Variants in C4orf17 observed in about 807,000 individuals in gnomAD.
C4orf17 encodes chromosome 4 open reading frame 17, also known as uncharacterized protein C4orf17.
A neutral mutation model predicts 32.0 loss-of-function variants in C4orf17; 25 were observed. The observed-to-expected ratio is 0.78, with a 90% CI of 0.57 to 1.09. C4orf17 has a LOEUF of 1.09. Among genes scored for constraint, C4orf17 ranks in the 50% least tolerant of loss-of-function variants. The pLI, the probability that C4orf17 is intolerant of heterozygous loss-of-function variation, is 0.00. For missense variants in C4orf17, 420 were observed against 420.0 expected (o/e 1.00, Z 0.00); for synonymous variants, 149 against 145.8 (o/e 1.02, Z -0.16).
intron 7 of C4orf17, among the ~76,000 whole-genome samples, 153 bp from the exon 8 acceptor site, chr4:99,540,259 T>C (rs768178732): frequency 1.3e-5 from 2 of 152,112 alleles, no homozygotes; most frequent in Non-Finnish European, 2.9e-5. Context: ...CATTGGGAAG[T>C]AAATTTAATA....
chr4:99,520,706 T>C (rs1578188511), intron 2 of C4orf17, among the ~76,000 whole-genome samples: 1 of 152,230 alleles, frequency 6.6e-6, no homozygotes, highest in Non-Finnish European at 1.5e-5. Flanking sequence ...TCTAGCAAAT[T>C]TTAAAACTCA....
At chr4:99,539,874 CT>C (rs1723627805) in intron 7 of C4orf17, among the ~76,000 whole-genome samples, 1 of 151,982 alleles carries the variant, frequency 6.6e-6, no homozygotes, top group South Asian at 2.1e-4. Flanking sequence ...AAAATAACTA[CT>C]AAAATAATTG....
intron 4 of C4orf17, among the ~76,000 whole-genome samples, chr4:99,529,194 T>A (rs982081328): frequency 6.6e-6 from 1 of 152,214 alleles, no homozygotes; most frequent in Non-Finnish European, 1.5e-5. Flanking sequence ...AGAAAGCCTT[T>A]CCTGGAACAG....
chr4:99,542,164 C>T lies in C4orf17; in HGVS notation c.*55C>T. Reference sequence around the variant, plus strand: ...AATATGAGCTTCACATTTACATCATCAAATTATTTTTCAAATGAATATTTT... The same window carrying T: ...AATATGAGCTTCACATTTACATCATTAAATTATTTTTCAAATGAATATTTT... On this transcript the variant is annotated 3_prime_UTR_variant, in exon 9 of 9. Coordinates refer to ENST00000326581, the MANE Select transcript of C4orf17 (RefSeq NM_032149.3). 1 of 1,464,966 alleles carries T rather than the reference C, an allele frequency of 6.8e-7. No individual in the cohort carries two copies. The highest frequency in any genetic ancestry group is 9.5e-7 in the Non-Finnish European group (1 of 1,050,470). 90.7% of individuals were successfully genotyped at this position (1,464,966 alleles called of 1,614,324 possible). A position where few individuals can be genotyped will look rare whatever the true frequency, so the allele number is the denominator to read the frequency against.
At chr4:99,533,145 G>T (rs1723504465) in intron 5 of C4orf17, among the ~76,000 whole-genome samples, 1 of 152,152 alleles carries the variant, frequency 6.6e-6, no homozygotes, top group Admixed American at 6.5e-5. Context: ...CAAGGGGTGT[G>T]GGAAGCCAGC....
intron 7 of C4orf17, 54 bp downstream of exon 7, chr4:99,539,424 T>C: frequency 6.6e-6 from 9 of 1,355,526 alleles, no homozygotes; most frequent in South Asian, 2.4e-5. Flanking sequence ...ATGAAGACTT[T>C]GAATTCTCTT....
Position 99,513,041 on chromosome 4 carries a change from T to C in C4orf17, c.-41T>C, listed in dbSNP as rs746895422. 5 of 1,611,316 alleles carry C rather than the reference T, an allele frequency of 3.1e-6. No homozygotes were observed. The highest frequency in any genetic ancestry group is 1.1e-5 in the South Asian group (1 of 90,948). ...AATCAAGTTAGACCCCAAAAACTTT[T>C]GTGACAACAGTGAAGAGGGGAAAAT... On this transcript the variant is annotated 5_prime_UTR_variant, in exon 2 of 9. Coordinates refer to ENST00000326581, the MANE Select transcript of C4orf17 (RefSeq NM_032149.3).
At chr4:99,522,250 C>T (rs72906775) in intron 2 of C4orf17, among the ~76,000 whole-genome samples, 17,307 of 152,066 alleles carry the variant, frequency 0.11, 2,426 homozygotes, top group African/African-American at 0.33. Flanking sequence ...GTGGTCTGGC[C>T]CTGAAGACTG....
At chr4:99,523,474 G>A (rs1395225505) in intron 3 of C4orf17, among the ~76,000 whole-genome samples, 3 of 152,146 alleles carry the variant, frequency 2.0e-5, no homozygotes, top group Non-Finnish European at 2.9e-5. Context: ...CTGTTCTAAA[G>A]TCTTCATACT....
At chr4:99,517,087 C>T (rs573488549) in intron 2 of C4orf17, among the ~76,000 whole-genome samples, 21 of 152,318 alleles carry the variant, frequency 1.4e-4, no homozygotes, top group African/African-American at 5.1e-4. Context: ...CCAGACTCAA[C>T]CTAGAGCTGG....
At chr4:99,527,290 T>C (rs1217308549) in intron 4 of C4orf17, among the ~76,000 whole-genome samples, 1 of 152,222 alleles carries the variant, frequency 6.6e-6, no homozygotes, top group East Asian at 1.9e-4. Flanking sequence ...GTTTTAAATG[T>C]ATTGAGACTT....
At chr4:99,515,769 A>T (rs549507593) in intron 2 of C4orf17, among the ~76,000 whole-genome samples, 61 of 152,056 alleles carry the variant, frequency 4.0e-4, no homozygotes, top group Admixed American at 1.6e-3. Context: ...CATTGAAATA[A>T]AAATAAAAAT....
rs2110162999 is a variant in C4orf17, at chr4:99,511,065, A to C, written c.-301A>C. ...GGAGCCACACAGGCTCCTTGGAGTA[A>C]GAGTGTGAGAAACTGGATGAAGACA... On this transcript the variant is annotated 5_prime_UTR_variant, in exon 1 of 9. Transcript: ENST00000326581. 6.6e-6 allele frequency: 1 copy of C among 152,298 alleles called. No homozygotes were observed. The highest frequency in any genetic ancestry group is 1.5e-5 in the Non-Finnish European group (1 of 68,020). The allele number at this position is 152,298 out of a possible 1,614,324, so 9.4% of individuals were successfully genotyped here. A position where few individuals can be genotyped will look rare whatever the true frequency, so the allele number is the denominator to read the frequency against.
In C4orf17 at chr4:99,541,789, G is replaced by T. The variant is rs527970569; in HGVS notation, c.881-121G>T. 43 of 699,210 alleles carry T rather than the reference G, an allele frequency of 6.1e-5. No homozygotes were observed. In the Admixed American group the frequency reaches 1.2e-3, roughly 19 times the overall value. 43.3% of individuals were successfully genotyped at this position (699,210 alleles called of 1,614,324 possible). A position where few individuals can be genotyped will look rare whatever the true frequency, so the allele number is the denominator to read the frequency against. On this transcript the variant is annotated intron_variant, in intron 8 of 8. Transcript: ENST00000326581. Reference sequence around the variant, plus strand: ...GGAATATATTCTTTTGTGAATTTTGGGTGTATCTGATTCACCTAAACTTCA... The same window carrying T: ...GGAATATATTCTTTTGTGAATTTTGTGTGTATCTGATTCACCTAAACTTCA...
intron 5 of C4orf17, among the ~76,000 whole-genome samples, chr4:99,533,851 A>G (rs1723516414): frequency 6.6e-6 from 1 of 152,188 alleles, no homozygotes; most frequent in African/African-American, 2.4e-5. Context: ...GAAAAGTTAC[A>G]CCTTAAAAAT....
chr4:99,518,693 C>T (rs938588985), intron 2 of C4orf17, among the ~76,000 whole-genome samples: 9 of 148,322 alleles, frequency 6.1e-5, no homozygotes, highest in African/African-American at 2.2e-4. Context: ...TAAAATGTTC[C>T]CTATTATGTG....
chr4:99,541,546 T>TA (rs2110175488), intron 8 of C4orf17: 1 of 204,624 alleles, frequency 4.9e-6, no homozygotes, highest in African/African-American at 2.4e-5. Flanking sequence ...ATGTAGGTCT[T>TA]ACGAGCACAA....
At chr4:99,530,878 C>T (rs901883474) in intron 5 of C4orf17, among the ~76,000 whole-genome samples, 1 of 152,052 alleles carries the variant, frequency 6.6e-6, no homozygotes, top group African/African-American at 2.4e-5. Context: ...TGGCTAAAGG[C>T]TTTATATTAT....
intron 2 of C4orf17, among the ~76,000 whole-genome samples, chr4:99,514,308 CA>C (rs1173531986): frequency 3.9e-5 from 6 of 152,058 alleles, no homozygotes; most frequent in African/African-American, 1.4e-4. Flanking sequence ...AAATAATCAG[CA>C]AACAGACAAC....
Sources: gnomAD v4.1 joint callset for allele counts (sites outside exome capture counted in the v4.1 genomes callset) on GRCh38, gnomAD v4.1.1 for gene constraint, MANE v1.5 for transcripts, NCBI Gene and HGNC (gene_info 2026-07-23, HGNC 2026-07-21) for gene names.